The following ABR variants were observed in gnomAD, a reference collection of about 807,000 sequenced individuals.
ABR encodes ABR activator of RhoGEF and GTPase.
Under a neutral mutation model 107.2 loss-of-function variants are expected in ABR, and 35 were observed. The ratio of observed to expected loss-of-function variants is 0.33; its 90% CI spans 0.25 to 0.43. The LOEUF (loss-of-function observed/expected upper bound fraction) is 0.43, where lower values mean the gene tolerates loss of function less well. ABR is among the 20% of genes least tolerant of loss of function. ABR has a pLI of 1.00. For missense variants in ABR, 815 were observed against 1,115.2 expected (o/e 0.73, Z 3.83); for synonymous variants, 498 against 462.0 (o/e 1.08, Z -1.00).
chr17:1,078,750 C>A lies in ABR; in HGVS notation c.700+580G>T. The A allele has an allele frequency of 6.6e-7, 1 of 1,505,912 alleles. No homozygotes were observed. Among genetic ancestry groups the A allele is most frequent in the Non-Finnish European group, 8.9e-7 (1 of 1,121,334 alleles). The allele number at this position is 1,505,912 out of a possible 1,614,324, so 93.3% of individuals were successfully genotyped here. A position where few individuals can be genotyped will look rare whatever the true frequency, so the allele number is the denominator to read the frequency against. The stretch of plus-strand genomic sequence containing the variant: ...CTAACCTCCCCGGCCACATCTAAGC[C>A]CACTCCAGCCGGCCCCCAGAGGTGG... On this transcript the variant is annotated intron_variant, in intron 6 of 22. Coordinates refer to ENST00000302538, the MANE Select transcript of ABR (RefSeq NM_021962.5). The surrounding 1 kb of genome is among the most constrained non-coding windows in gnomAD (Gnocchi z 7.5).
In ABR at chr17:1,067,252, A is replaced by G; in HGVS notation, c.1017-10T>C. ...ATACTGCTGGTGCTTCCTGCAAACG[A>G]GCCAGAGGGAGCCATGAGCCAGAGG... On this transcript the variant is annotated splice_polypyrimidine_tract_variant and intron_variant, in intron 9 of 22. Coordinates refer to ENST00000302538, the MANE Select transcript of ABR (RefSeq NM_021962.5). 6.4e-7 allele frequency: 1 copy of G among 1,562,236 alleles called. No individual in the cohort carries two copies. Among genetic ancestry groups the G allele is most frequent in the Non-Finnish European group, 8.6e-7 (1 of 1,156,628 alleles).
In ABR at chr17:1,018,246, G is replaced by T. The variant is rs533983126; in HGVS notation, c.1792-5082C>A. On this transcript the variant is annotated intron_variant, in intron 16 of 22. Coordinates refer to ENST00000302538, the MANE Select transcript of ABR (RefSeq NM_021962.5). ...TTTAGTAGAGACGGGGTTTCACCGT[G>T]TTAGCCAGGATGGTCTTGATCTCCT... Among the ~76,000 whole-genome samples the T allele has an allele frequency of 4.1e-3, 611 of 150,414 alleles. 4 individuals are homozygous for T. Among genetic ancestry groups the T allele is most frequent in the African/African-American group, 0.015 (587 of 40,156 alleles).
intron 1 of ABR, among the ~76,000 whole-genome samples, chr17:1,140,137 G>A (rs1433126022): frequency 1.3e-5 from 2 of 152,322 alleles, no homozygotes; most frequent in South Asian, 2.1e-4. Context: ...GGGGCAAACC[G>A]CCCCTCCGTG....
At chr17:1,114,168 T>TGAA (rs774663741) in intron 2 of ABR, among the ~76,000 whole-genome samples, 8 of 29,342 alleles carry the variant, frequency 2.7e-4, no homozygotes, top group African/African-American at 9.3e-4. Flanking sequence ...AGACCCTGTC[T>TGAA]CAAAAAAAAA....
intron 1 of ABR, among the ~76,000 whole-genome samples, chr17:1,140,841 C>G (rs914546108): frequency 2.0e-5 from 3 of 151,976 alleles, no homozygotes; most frequent in African/African-American, 7.3e-5. Context: ...CCTCGGCTTC[C>G]CAAAGTGCTG....
intron 1 of ABR, among the ~76,000 whole-genome samples, chr17:1,140,903 G>A (rs1371784160): frequency 6.6e-6 from 1 of 151,936 alleles, no homozygotes; most frequent in Admixed American, 6.6e-5. Context: ...TGCACTGGGA[G>A]GCAGAGGTTG....
intron 1 of ABR, among the ~76,000 whole-genome samples, chr17:1,146,260 G>GACAC (rs60058475): frequency 0.1 from 14,140 of 140,020 alleles, 887 homozygotes; most frequent in East Asian, 0.29. Context: ...GGCACATGGA[G>GACAC]ACACACACAC....
In ABR at chr17:1,086,706, G is replaced by A. The variant is rs1301754658; in HGVS notation, c.532-3079C>T. ...AGTAGAGACAGGGTTTCGTCATATTGGTCAGGCTGGTCTTGAACTCCTGAC... is the reference window on the plus strand; with the variant it reads ...AGTAGAGACAGGGTTTCGTCATATTAGTCAGGCTGGTCTTGAACTCCTGAC... On this transcript the variant is annotated intron_variant, in intron 4 of 22. Coordinates refer to ENST00000302538, the MANE Select transcript of ABR (RefSeq NM_021962.5). 2.0e-5 allele frequency among the ~76,000 whole-genome samples: 3 copies of A among 152,060 alleles called. No individual in the cohort carries two copies. The East Asian group carries it at 5.8e-4, about 29-fold the overall frequency.
upstream of ABR, among the ~76,000 whole-genome samples, chr17:1,183,380 C>T (rs2042194290): frequency 6.6e-6 from 1 of 152,162 alleles, no homozygotes; most frequent in Non-Finnish European, 1.5e-5. Flanking sequence ...CTGCTCCTGC[C>T]TCATCACTGG....
chr17:1,134,593 T>C (rs2039978751), intron 1 of ABR, among the ~76,000 whole-genome samples: 1 of 152,150 alleles, frequency 6.6e-6, no homozygotes, highest in Non-Finnish European at 1.5e-5. Flanking sequence ...CCAAATGATA[T>C]CCTCACAGCC....
chr17:1,158,315 C>T (rs893507616), intron 1 of ABR, among the ~76,000 whole-genome samples: 2 of 151,726 alleles, frequency 1.3e-5, no homozygotes. Flanking sequence ...AGGCTGGTCT[C>T]AAACTCCTGG....
At position 1,030,161 on chromosome 17, in the gene ABR, T is replaced by C. The variant is rs190301838; in HGVS notation, c.1792-16997A>G. Among the ~76,000 whole-genome samples the C allele has an allele frequency of 7.9e-4, 120 of 152,338 alleles. 1 individual carries two copies. Among genetic ancestry groups the C allele is most frequent in the African/African-American group, 2.8e-3 (117 of 41,578 alleles). ...AGAGGCAAACCCAGCTAAGGAATTC[T>C]TGAAGGGGCTTCTCAGTTCTGCCGG... On this transcript the variant is annotated intron_variant, in intron 16 of 22. Transcript: ENST00000302538.
intron 14 of ABR, 72 bp downstream of exon 14, chr17:1,055,963 G>T (rs1468630006): frequency 2.1e-6 from 3 of 1,429,194 alleles, no homozygotes; most frequent in Admixed American, 3.4e-5. Context: ...GTGCTGGCAG[G>T]GCCCCATCCT....
At chr17:1,056,221 A>C in intron 13 of ABR, 112 bp from the exon 14 acceptor site, 1 of 911,070 alleles carries the variant, frequency 1.1e-6, no homozygotes, top group Non-Finnish European at 1.8e-6. Context: ...GTCTTGGTCC[A>C]ACATCACCAC....
intron 16 of ABR, among the ~76,000 whole-genome samples, chr17:1,026,429 C>A (rs2072200481): frequency 6.6e-6 from 1 of 152,220 alleles, no homozygotes; most frequent in Admixed American, 6.5e-5. Flanking sequence ...TCGGTACCAG[C>A]CCCGGCTGGG....
intron 4 of ABR, among the ~76,000 whole-genome samples, chr17:1,089,670 G>A (rs1398745495): frequency 6.6e-6 from 1 of 152,174 alleles, no homozygotes. Context: ...TAAGAAGAAG[G>A]AAATGCAGGC....
intron 1 of ABR, among the ~76,000 whole-genome samples, chr17:1,130,954 G>A (rs969963139): frequency 6.6e-6 from 1 of 152,216 alleles, no homozygotes; most frequent in Non-Finnish European, 1.5e-5. Context: ...CGAGAGCATC[G>A]ATTTCTGCTG....
chr17:1,100,842 G>A (rs1427309009), intron 2 of ABR, 107 bp from the exon 3 acceptor site: 2 of 1,079,418 alleles, frequency 1.9e-6, no homozygotes, highest in African/African-American at 3.2e-5. Flanking sequence ...TTTTTTTTTT[G>A]AGACGAAGTC....
In ABR at chr17:1,215,384, G is replaced by A. The variant is rs564236787; in HGVS notation, c.838+13409C>T. Among the ~76,000 whole-genome samples the A allele has an allele frequency of 8.5e-5, 13 of 152,300 alleles. No individual in the cohort carries two copies. The South Asian group carries it at 1.7e-3, about 19-fold the overall frequency. ...CTGCCGAGTGCCTGCGATTGCAGGC[G>A]CGCGCTGCCATGCCTGACTGGTTTT... On this transcript the variant is annotated intron_variant, in intron 1 of 22. Transcript: ENST00000574139.
Sources: allele counts gnomAD v4.1 joint callset (sites outside exome capture counted in the v4.1 genomes callset), GRCh38; gene constraint gnomAD v4.1.1; non-coding constraint Gnocchi (gnomAD v3.1); transcripts MANE v1.5; gene names NCBI Gene and HGNC (gene_info 2026-07-23, HGNC 2026-07-21).